The following PPFIA2 variants were observed in gnomAD, a reference collection of about 807,000 sequenced individuals.
PPFIA2 encodes the protein liprin-alpha-2.
Under a neutral mutation model 175.5 loss-of-function variants are expected in PPFIA2, and 46 were observed. The observed-to-expected ratio is 0.26, with a 90% CI of 0.21 to 0.34. PPFIA2 has a LOEUF of 0.34. Ranked by LOEUF, PPFIA2 falls within the 10% of genes least tolerant of loss-of-function variation. The pLI, the probability that PPFIA2 is intolerant of heterozygous loss-of-function variation, is 1.00. For missense variants in PPFIA2, 1,179 were observed against 1,506.1 expected (o/e 0.78, Z 3.60); for synonymous variants, 568 against 511.4 (o/e 1.11, Z -1.49).
rs568614143 is a variant in PPFIA2, at chr12:81,360,524, C to T, written c.1637+2169G>A. On this transcript the variant is annotated intron_variant, in intron 15 of 32. Coordinates refer to ENST00000549396, the MANE Select transcript of PPFIA2 (RefSeq NM_003625.5). ...TTTCAGAGTTGAGCCAAATCAAGCC[C>T]TTTGTAGTCACTCTGGAACTCATTT... Among the ~76,000 whole-genome samples the T allele has an allele frequency of 5.9e-5, 9 of 151,732 alleles. No individual in the cohort carries two copies. In the South Asian group the frequency reaches 1.9e-3, roughly 32 times the overall value.
At chr12:81,448,900 G>A (rs1217695178) in intron 5 of PPFIA2, among the ~76,000 whole-genome samples, 1 of 152,058 alleles carries the variant, frequency 6.6e-6, no homozygotes, top group Non-Finnish European at 1.5e-5. Flanking sequence ...TAAGTTTTTG[G>A]ATAGTTTGTC....
intron 7 of PPFIA2, among the ~76,000 whole-genome samples, chr12:81,426,205 C>T (rs1345772483): frequency 1.3e-5 from 2 of 152,062 alleles, no homozygotes; most frequent in African/African-American, 4.8e-5. Flanking sequence ...GATTGATTGA[C>T]GTTCCTTGGT....
At chr12:81,543,204 G>A (rs1043341722) in intron 4 of PPFIA2, among the ~76,000 whole-genome samples, 13 of 152,084 alleles carry the variant, frequency 8.5e-5, no homozygotes. Flanking sequence ...CGGAGAAATA[G>A]CTGATTCTAG....
chr12:81,633,511 C>T (rs977335898), intron 4 of PPFIA2, among the ~76,000 whole-genome samples: 5 of 151,506 alleles, frequency 3.3e-5, no homozygotes, highest in African/African-American at 1.2e-4. Flanking sequence ...AAGACAACTG[C>T]ACTATAATCA....
chr12:81,397,281 A>G (rs2041308212), intron 8 of PPFIA2, among the ~76,000 whole-genome samples: 1 of 152,012 alleles, frequency 6.6e-6, no homozygotes, highest in African/African-American at 2.4e-5. Flanking sequence ...GAAGAAGAGA[A>G]GAAACTGGGA....
intron 22 of PPFIA2, among the ~76,000 whole-genome samples, chr12:81,310,205 C>T (rs1254388826): frequency 6.6e-6 from 1 of 151,964 alleles, no homozygotes; most frequent in Non-Finnish European, 1.5e-5. Context: ...GTCAGTCACT[C>T]AGGGCCATGT....
At chr12:81,684,487 T>C (rs2074153918) in intron 3 of PPFIA2, among the ~76,000 whole-genome samples, 1 of 152,122 alleles carries the variant, frequency 6.6e-6, no homozygotes, top group Non-Finnish European at 1.5e-5. Context: ...TATTGAATAA[T>C]ACAATTATTG....
chr12:81,449,488 CA>C (rs552912790), intron 5 of PPFIA2, among the ~76,000 whole-genome samples: 2,395 of 93,190 alleles, frequency 0.026, 23 homozygotes, highest in Middle Eastern at 0.061. Flanking sequence ...TTACTTCAGA[CA>C]AAAAAAAAAA....
chr12:81,457,283 C>CTT (rs566866017), intron 5 of PPFIA2, among the ~76,000 whole-genome samples: 1 of 141,316 alleles, frequency 7.1e-6, no homozygotes, highest in African/African-American at 2.6e-5. Context: ...CGCGTCCGGC[C>CTT]TTTTTTTTTT....
intron 3 of PPFIA2, among the ~76,000 whole-genome samples, chr12:81,744,175 A>G (rs889510924): frequency 6.6e-6 from 1 of 152,152 alleles, no homozygotes; most frequent in African/African-American, 2.4e-5. Context: ...TCTACTTTCT[A>G]GTTAAATACC....
At chr12:81,328,601 T>C (rs764484614) in intron 21 of PPFIA2, among the ~76,000 whole-genome samples, 54 of 152,324 alleles carry the variant, frequency 3.5e-4, no homozygotes, top group Non-Finnish European at 4.6e-4. Flanking sequence ...TTGTGGCTTA[T>C]ATTGTATCAA....
chr12:81,730,277 A>G (rs1219429219), intron 3 of PPFIA2, among the ~76,000 whole-genome samples: 3 of 151,674 alleles, frequency 2.0e-5, no homozygotes, highest in Non-Finnish European at 4.4e-5. Context: ...ATCCAAGTGT[A>G]TTAGTCTGCT....
chr12:81,290,622 T>C (rs368361038), intron 24 of PPFIA2, among the ~76,000 whole-genome samples: 1 of 151,748 alleles, frequency 6.6e-6, no homozygotes, highest in East Asian at 1.9e-4. Context: ...GAATAGAAAA[T>C]TAATATAAAT....
chr12:81,347,611 G>C lies in PPFIA2; in HGVS notation c.2154C>G (p.Pro718=). Residue 718 remains proline, a synonymous_variant, in exon 18 of 33, where the codon CCC becomes CCG. Coordinates refer to ENST00000549396, the MANE Select transcript of PPFIA2 (RefSeq NM_003625.5). ...GCTTTGGAGTTGAGTGTCCACTGGG[G>C]GGAGATGAACTGGCCAGCGATGAAG... The part of the protein sequence containing the change: ...VTASSLASSS[P]PSGHSTPKLT... The C allele has an allele frequency of 6.2e-7, 1 of 1,613,812 alleles. No homozygotes were observed. The highest frequency in any genetic ancestry group is 8.5e-7 in the Non-Finnish European group (1 of 1,179,786).
intron 23 of PPFIA2, chr12:81,298,055 A>G (rs1028953186): frequency 2.6e-5 from 4 of 151,590 alleles, no homozygotes; most frequent in African/African-American, 9.7e-5. Context: ...TTTTCTTTTT[A>G]TCTGAAGGAT....
At chr12:81,620,224 T>TA (rs917584161) in intron 4 of PPFIA2, among the ~76,000 whole-genome samples, 3 of 112,260 alleles carry the variant, frequency 2.7e-5, no homozygotes, top group Admixed American at 8.5e-5. Flanking sequence ...ACTGGATAAA[T>TA]AAAAAATAAT....
chr12:81,370,734 A>G (rs1487772122), intron 11 of PPFIA2, among the ~76,000 whole-genome samples: 1 of 151,900 alleles, frequency 6.6e-6, no homozygotes, highest in African/African-American at 2.4e-5. Flanking sequence ...AACACATGTG[A>G]CATTGCTGAT....
chr12:81,295,082 C>A, intron 23 of PPFIA2, 47 bp from the exon 24 acceptor site: 1 of 1,511,376 alleles, frequency 6.6e-7, no homozygotes, highest in Admixed American at 1.8e-5. Context: ...TAATAGTTAT[C>A]ATTTTAGTGT....
Position 81,325,823 on chromosome 12 carries a change from C to T in PPFIA2, c.2596G>A (p.Gly866Ser), listed in dbSNP as rs2139799232. Reference sequence around the variant, plus strand: ...TTCTCAGCTTGAGTTCCGAGTTTGCCTAACCCCAGGGACTCCTGAGCTGCA... The same window carrying T: ...TTCTCAGCTTGAGTTCCGAGTTTGCTTAACCCCAGGGACTCCTGAGCTGCA... ...EAAAQESLGL[G>S]KLGTQAEKDR... Residue 866 changes from glycine (G) to serine (S), a missense_variant, in exon 22 of 33, where the codon GGC (glycine) becomes AGC (serine). Gly to Ser is a moderately conservative substitution (Grantham distance 56). This residue lies in a region of PPFIA2 where 223 missense variants were observed against 241.6 expected (regional missense o/e 0.92). Transcript: ENST00000549396. The T allele has an allele frequency of 1.2e-6, 2 of 1,612,866 alleles. No homozygotes were observed. The highest frequency in any genetic ancestry group is 4.5e-5 in the East Asian group (2 of 44,832).
Sources: allele counts gnomAD v4.1 joint callset (sites outside exome capture counted in the v4.1 genomes callset), GRCh38; gene constraint gnomAD v4.1.1; regional missense constraint gnomAD v4.1.1; transcripts MANE v1.5; gene names NCBI Gene and HGNC (gene_info 2026-07-23, HGNC 2026-07-21).